Variants in ANKRD26 observed in about 807,000 individuals in gnomAD.
The protein encoded by ANKRD26 is ankyrin repeat domain-containing protein 26.
ANKRD26 carries 141 observed loss-of-function variants against 208.7 expected under a neutral mutation model. That is an observed-to-expected ratio of 0.68 (90% CI 0.59 to 0.78). The LOEUF is 0.78. Among genes scored for constraint, ANKRD26 ranks in the 30% least tolerant of loss-of-function variants. The pLI is 0.00. For synonymous variants in ANKRD26, 636 were observed against 660.4 expected (o/e 0.96, Z 0.57); for missense variants, 1,889 against 1,938.7 (o/e 0.97, Z 0.48).
chr10:27,043,545 A>T lies in ANKRD26; in HGVS notation c.2042T>A (p.Met681Lys). The change falls in exon 20 of 34, where the codon ATG becomes AAG. Residue 681 changes from methionine to lysine, a missense_variant. By Grantham distance (95) the Met-to-Lys change is moderately conservative (BLOSUM62 -1). Coordinates refer to ENST00000376087, the MANE Select transcript of ANKRD26 (RefSeq NM_014915.3). ...CTGAGTTAAGTCATCAACATCATCC[A>T]TAGACTGTATTTGGTTTTTGACCTA... ...KNKVKNQIQS[M>K]DDVDDLTQSS... 6.2e-7 allele frequency: 1 copy of T among 1,613,904 alleles called. No individual in the cohort carries two copies. The highest frequency in any genetic ancestry group is 1.1e-5 in the South Asian group (1 of 91,062).
chr10:27,034,385 T>G (rs1004155626), intron 24 of ANKRD26, among the ~76,000 whole-genome samples: 4 of 152,212 alleles, frequency 2.6e-5, no homozygotes, highest in Admixed American at 2.0e-4. Flanking sequence ...ACTGTCAAAA[T>G]AACACACTTA....
intron 1 of ANKRD26, among the ~76,000 whole-genome samples, chr10:27,097,334 A>AT (rs1564441322): frequency 1.4e-5 from 2 of 140,890 alleles, no homozygotes; most frequent in African/African-American, 5.0e-5. Flanking sequence ...AAAAAAAAAA[A>AT]TTAGCTGTCC....
At position 27,100,301 on chromosome 10, in the gene ANKRD26, C is replaced by T. The variant is rs751028014; in HGVS notation, c.26G>A (p.Gly9Asp). The T allele has an allele frequency of 6.2e-7, 1 of 1,609,484 alleles. No homozygotes were observed. Among genetic ancestry groups the T allele is most frequent in the Non-Finnish European group, 8.5e-7 (1 of 1,179,774 alleles). ...CGCGAAGGAGCCCAAGGGCGACTCG[C>T]CCTTCTTACTAAAAATCTTCTTCAT... Reference protein sequence around the residue: MKKIFSKKGESPLGSFARR... With the variant: MKKIFSKKDESPLGSFARR... Residue 9 changes from glycine to aspartate, a missense_variant, in exon 1 of 34, where the codon GGC (glycine) becomes GAC (aspartate). By Grantham distance (94) the Gly-to-Asp change is moderately conservative. This residue lies in a region of ANKRD26 where 1,272 missense variants were observed against 1,273.8 expected (regional missense o/e 1.00). Transcript: ENST00000376087.
At chr10:27,048,565 T>A (rs1057395396) in intron 17 of ANKRD26, among the ~76,000 whole-genome samples, 5 of 152,190 alleles carry the variant, frequency 3.3e-5, no homozygotes, top group Non-Finnish European at 7.4e-5. Context: ...TGTATGAGAA[T>A]GCCTTTTTTC....
chr10:27,081,813 C>T (rs1406345791), intron 6 of ANKRD26, among the ~76,000 whole-genome samples: 1 of 151,952 alleles, frequency 6.6e-6, no homozygotes, highest in African/African-American at 2.4e-5. Context: ...TCTCGGCTCA[C>T]TGCAACCTCC....
chr10:26,971,963 C>A (rs947381972), downstream of ANKRD26, among the ~76,000 whole-genome samples: 1 of 151,910 alleles, frequency 6.6e-6, no homozygotes, highest in East Asian at 1.9e-4. Flanking sequence ...TGGCCGGGCG[C>A]AGTGGCTCAC....
the ANKRD26 span, among the ~76,000 whole-genome samples, chr10:26,950,210 G>A: frequency 6.6e-6 from 1 of 152,138 alleles, no homozygotes; most frequent in Non-Finnish European, 1.5e-5. Flanking sequence ...GTGATAGTGA[G>A]AGAGTTCTCA....
At chr10:27,036,781 T>C (rs1439555960) in intron 23 of ANKRD26, among the ~76,000 whole-genome samples, 2 of 152,136 alleles carry the variant, frequency 1.3e-5, no homozygotes, top group Non-Finnish European at 2.9e-5. Context: ...GAACTGGCTG[T>C]ACTTTTCCTC....
intron 16 of ANKRD26, chr10:27,050,966 T>C: frequency 1.1e-6 from 1 of 928,396 alleles, no homozygotes; most frequent in Non-Finnish European, 1.4e-6. Flanking sequence ...GGTAACACCA[T>C]TTTATACATG....
intron 15 of ANKRD26, among the ~76,000 whole-genome samples, chr10:27,055,728 G>A (rs981619660): frequency 2.0e-5 from 3 of 152,028 alleles, no homozygotes; most frequent in African/African-American, 4.8e-5. Context: ...TACACAGCTG[G>A]GGATACACTA....
intron 32 of ANKRD26, 101 bp from the exon 33 acceptor site, chr10:27,007,063 A>C: frequency 1.3e-6 from 1 of 774,464 alleles, no homozygotes; most frequent in South Asian, 1.5e-5. Context: ...AATACTCTTA[A>C]AGACTACACT....
At chr10:27,082,642 C>G (rs2055964671) in intron 6 of ANKRD26, among the ~76,000 whole-genome samples, 161 bp downstream of exon 6, 2 of 152,178 alleles carry the variant, frequency 1.3e-5, no homozygotes, top group Admixed American at 6.5e-5. Flanking sequence ...CCTCTCTGAA[C>G]CACACAGTTG....
intron 1 of ANKRD26, 120 bp downstream of exon 1, chr10:27,099,965 C>G: frequency 2.0e-6 from 3 of 1,529,054 alleles, no homozygotes; most frequent in Non-Finnish European, 2.7e-6. Flanking sequence ...TGTCACCGTC[C>G]CAGGGGCTAC....
intron 7 of ANKRD26, 81 bp from the exon 8 acceptor site, chr10:27,077,774 A>G: frequency 8.3e-7 from 1 of 1,211,160 alleles, no homozygotes; most frequent in Non-Finnish European, 1.2e-6. Context: ...GATAGTCACC[A>G]TTACTACATG....
chr10:26,969,741 G>A (rs7081476), downstream of ANKRD26, among the ~76,000 whole-genome samples: 2 of 150,706 alleles, frequency 1.3e-5, no homozygotes, highest in South Asian at 4.2e-4. Context: ...TGTAAAATGT[G>A]GTTGCCAAAC....
chr10:27,061,040 G>T, intron 13 of ANKRD26, 104 bp downstream of exon 13: 2 of 880,240 alleles, frequency 2.3e-6, no homozygotes, highest in African/African-American at 1.6e-5. Flanking sequence ...ACTTTACTTG[G>T]ATATATAACT....
Position 27,044,143 on chromosome 10 carries a change from A to G in ANKRD26, c.2019+14T>C. ...TTTTAAACAATAATTTTGATAATTT[A>G]TTTTTTACAGTACCTTGTTCTTTTC... On this transcript the variant is annotated intron_variant, in intron 19 of 33. Transcript: ENST00000376087. The G allele has an allele frequency of 2.2e-6, 3 of 1,373,666 alleles. No individual in the cohort carries two copies. The highest frequency in any genetic ancestry group is 2.0e-6 in the Non-Finnish European group (2 of 1,011,370). 85.1% of individuals were successfully genotyped at this position (1,373,666 alleles called of 1,614,324 possible).
At chr10:27,020,514 T>G (rs1316273702) in intron 29 of ANKRD26, among the ~76,000 whole-genome samples, 1 of 151,934 alleles carries the variant, frequency 6.6e-6, no homozygotes, top group Admixed American at 6.5e-5. Flanking sequence ...TGTACTTCCA[T>G]GAGCTCGGTT....
intron 4 of ANKRD26, among the ~76,000 whole-genome samples, chr10:27,086,845 C>T (rs528541232): frequency 2.2e-5 from 3 of 139,220 alleles, no homozygotes; most frequent in Non-Finnish European, 4.5e-5. Flanking sequence ...GATATTGGCA[C>T]ACTGCAACCT....
Sources: allele counts gnomAD v4.1 joint callset (sites outside exome capture counted in the v4.1 genomes callset), GRCh38; gene constraint gnomAD v4.1.1; regional missense constraint gnomAD v4.1.1; transcripts MANE v1.5; gene names NCBI Gene and HGNC (gene_info 2026-07-23, HGNC 2026-07-21).